ADAMTS18: variants seen among roughly 807,000 people sequenced by gnomAD.
ADAMTS18 encodes the protein ADAM metallopeptidase with thrombospondin type 1 motif 18.
ADAMTS18 carries 157 observed loss-of-function variants against 165.9 expected under a neutral mutation model. That is an observed-to-expected ratio of 0.95 (90% confidence interval 0.83 to 1.08). The LOEUF is 1.08. ADAMTS18 is among the 50% of genes least tolerant of loss of function. ADAMTS18 has a pLI of 0.00. For missense variants in ADAMTS18, 2,040 were observed against 1,534.0 expected (o/e 1.33, Z -5.51); for synonymous variants, 782 against 578.2 (o/e 1.35, Z -5.06).
Position 77,434,841 on chromosome 16 carries a change from G to C in ADAMTS18, c.-146C>G, listed in dbSNP as rs2057778337. On this transcript the variant is annotated 5_prime_UTR_variant, in exon 1 of 23. Transcript: ENST00000282849. The stretch of plus-strand genomic sequence containing the variant: ...CGCCGCCGTTCACATCGCAGCGGGG[G>C]CGCGCTGGGACCTCCCCTCCTCCGG... 1 of 619,386 alleles carries C rather than the reference G, an allele frequency of 1.6e-6. No individual in the cohort carries two copies. The highest frequency in any genetic ancestry group is 2.4e-6 in the Non-Finnish European group (1 of 424,026). The allele number at this position is 619,386 out of a possible 1,614,324, so 38.4% of individuals were successfully genotyped here. A position where few individuals can be genotyped will look rare whatever the true frequency, so the allele number is the denominator to read the frequency against.
At chr16:77,358,481 G>T (rs183591250) in intron 8 of ADAMTS18, among the ~76,000 whole-genome samples, 1 of 152,144 alleles carries the variant, frequency 6.6e-6, no homozygotes, top group Non-Finnish European at 1.5e-5. Flanking sequence ...AGAATCACTT[G>T]AACCCGGGAG....
In ADAMTS18 at chr16:77,371,953, G is replaced by C. The variant is rs138395037; in HGVS notation, c.496-4230C>G. Among the ~76,000 whole-genome samples, 443 of 152,224 alleles carry C rather than the reference G, an allele frequency of 2.9e-3. 6 individuals carry two copies. The highest frequency in any genetic ancestry group is 9.5e-3 in the African/African-American group (393 of 41,548). Reference sequence around the variant, plus strand: ...ATAACAATAATAATCTGATTTTTAAGATGGCCAAAAAACCTAAATAAATAC... The same window carrying C: ...ATAACAATAATAATCTGATTTTTAACATGGCCAAAAAACCTAAATAAATAC... On this transcript the variant is annotated intron_variant, in intron 3 of 22. Coordinates refer to ENST00000282849, the MANE Select transcript of ADAMTS18 (RefSeq NM_199355.4).
chr16:77,414,489 T>A (rs1295774564), intron 3 of ADAMTS18, among the ~76,000 whole-genome samples: 4 of 152,246 alleles, frequency 2.6e-5, no homozygotes, highest in Non-Finnish European at 5.9e-5. Flanking sequence ...TAAAATATAA[T>A]ACCAACATAA....
In ADAMTS18 at chr16:77,289,248, C is replaced by A; in HGVS notation, c.3550+16G>T. The stretch of plus-strand genomic sequence containing the variant: ...TAAAGACTAGTAAAGTTGACTGGAG[C>A]ATGGTGCCTTTTTACCTCTCTTTTC... On this transcript the variant is annotated intron_variant, in intron 22 of 22. Coordinates refer to ENST00000282849, the MANE Select transcript of ADAMTS18 (RefSeq NM_199355.4). 1 of 1,614,020 alleles carries A rather than the reference C, an allele frequency of 6.2e-7. No homozygotes were observed. Among genetic ancestry groups the A allele is most frequent in the South Asian group, 1.1e-5 (1 of 91,072 alleles).
At chr16:77,432,149 A>G (rs939734692) in intron 2 of ADAMTS18, among the ~76,000 whole-genome samples, 48 of 152,328 alleles carry the variant, frequency 3.2e-4, no homozygotes, top group African/African-American at 1.1e-3. Flanking sequence ...ATTTCAGATC[A>G]TTAACAAGCA....
intron 16 of ADAMTS18, among the ~76,000 whole-genome samples, chr16:77,318,761 T>C (rs1201792469): frequency 6.6e-6 from 1 of 152,176 alleles, no homozygotes; most frequent in African/African-American, 2.4e-5. Context: ...TAATCTTTTT[T>C]TTTCACACTT....
chr16:77,432,261 C>G lies in ADAMTS18; in HGVS notation c.179-650G>C, dbSNP rs76295747. On this transcript the variant is annotated intron_variant, in intron 2 of 22. Coordinates refer to ENST00000282849, the MANE Select transcript of ADAMTS18 (RefSeq NM_199355.4). ...CTGTGAGCTTTCACAGGGATGATCC[C>G]ATTTAATTGTAAGCATAAAATACAG... 2.2e-4 allele frequency among the ~76,000 whole-genome samples: 33 copies of G among 152,298 alleles called. No individual in the cohort carries two copies. In the East Asian group the frequency reaches 6.2e-3, roughly 28 times the overall value.
intron 3 of ADAMTS18, among the ~76,000 whole-genome samples, chr16:77,398,382 G>C (rs185041246): frequency 1.8e-4 from 28 of 152,026 alleles, no homozygotes; most frequent in Admixed American, 1.3e-4. Context: ...AAGAGAGAGA[G>C]AAGAGCAGGA....
At chr16:77,367,968 C>T (rs953361221) in intron 3 of ADAMTS18, among the ~76,000 whole-genome samples, 1 of 152,168 alleles carries the variant, frequency 6.6e-6, no homozygotes, top group Non-Finnish European at 1.5e-5. Flanking sequence ...CCTTGACCTC[C>T]TGGGCTCAAG....
rs929504250 is a variant in ADAMTS18, at chr16:77,320,228, T to G, written c.2288-135A>C. On this transcript the variant is annotated intron_variant, in intron 15 of 22. Coordinates refer to ENST00000282849, the MANE Select transcript of ADAMTS18 (RefSeq NM_199355.4). ...TCATTATCTAAATTCATTCTTACTC[T>G]ATGAAGTAAACATGATCAATGATTT... 3.0e-5 allele frequency: 33 copies of G among 1,085,656 alleles called. 1 individual carries two copies. The South Asian group carries it at 4.4e-4, about 14-fold the overall frequency. 67.3% of individuals were successfully genotyped at this position (1,085,656 alleles called of 1,614,324 possible).
rs915883149 is a variant in ADAMTS18, at chr16:77,402,879, C to T, written c.495+28416G>A. ...GCCCTGAATTTTTTACCTTTGTGTC[C>T]AGCTTCCTCATGGGAAATGCCCCAA... On this transcript the variant is annotated intron_variant, in intron 3 of 22. Transcript: ENST00000282849. Among the ~76,000 whole-genome samples, 4 of 152,086 alleles carry T rather than the reference C, an allele frequency of 2.6e-5. No individual in the cohort carries two copies. The South Asian group carries it at 8.3e-4, about 31-fold the overall frequency.
chr16:77,339,544 T>A (rs1398136528), intron 11 of ADAMTS18, among the ~76,000 whole-genome samples: 1 of 152,034 alleles, frequency 6.6e-6, no homozygotes, highest in Non-Finnish European at 1.5e-5. Flanking sequence ...TCTCATTCAT[T>A]ATATAAATAT....
intron 16 of ADAMTS18, among the ~76,000 whole-genome samples, chr16:77,314,593 C>G (rs1437655531): frequency 8.0e-6 from 1 of 124,510 alleles, no homozygotes; most frequent in Admixed American, 8.6e-5. Context: ...GCCTGGGCAA[C>G]AAGAGCAAAA....
At chr16:77,292,109 C>CAGCCTCAGCAACATGGTGA (rs889412615) in intron 20 of ADAMTS18, among the ~76,000 whole-genome samples, 13 of 152,026 alleles carry the variant, frequency 8.6e-5, no homozygotes, top group Non-Finnish European at 1.8e-4. Flanking sequence ...AGTTCAAGAC[C>CAGCCTCAGCAACATGGTGA]AGCCTCAGCA....
chr16:77,322,577 T>C, intron 13 of ADAMTS18, 111 bp from the exon 14 acceptor site: 2 of 1,358,404 alleles, frequency 1.5e-6, no homozygotes, highest in Non-Finnish European at 2.1e-6. Flanking sequence ...ATGATGAATA[T>C]GGAAAATGTG....
At chr16:77,319,735 G>A (rs878995388) in intron 16 of ADAMTS18, 114 bp downstream of exon 16, 1 of 1,553,302 alleles carries the variant, frequency 6.4e-7, no homozygotes, top group South Asian at 1.1e-5. Context: ...GAGCCACCAT[G>A]CCCGGCCAGG....
At chr16:77,335,376 T>A (rs1392219118) in intron 12 of ADAMTS18, among the ~76,000 whole-genome samples, 2 of 151,188 alleles carry the variant, frequency 1.3e-5, no homozygotes, top group Non-Finnish European at 2.9e-5. Flanking sequence ...GCATGGTTAA[T>A]GGGTACAAAA....
intron 22 of ADAMTS18, among the ~76,000 whole-genome samples, chr16:77,284,275 G>T (rs945238962): frequency 7.9e-5 from 12 of 151,874 alleles, no homozygotes; most frequent in African/African-American, 2.9e-4. Context: ...ATAGGCAAGT[G>T]CCACCAAGCC....
At chr16:77,328,888 G>C (rs1286761310) in intron 12 of ADAMTS18, among the ~76,000 whole-genome samples, 2 of 152,206 alleles carry the variant, frequency 1.3e-5, no homozygotes. Flanking sequence ...GCTGACAAGA[G>C]CTTACAAAAC....
Sources: gnomAD v4.1 joint callset for allele counts (sites outside exome capture counted in the v4.1 genomes callset) on GRCh38, gnomAD v4.1.1 for gene constraint, MANE v1.5 for transcripts, NCBI Gene and HGNC (gene_info 2026-07-23, HGNC 2026-07-21) for gene names.